NCK2: variants seen among roughly 807,000 people sequenced by gnomAD.
NCK2 encodes cytoplasmic protein NCK2.
A neutral mutation model predicts 33.9 loss-of-function variants in NCK2; 16 were observed. The observed-to-expected ratio is 0.47, with a 90% confidence interval of 0.32 to 0.72. NCK2 has a LOEUF of 0.72. Ranked by LOEUF, NCK2 falls within the 30% of genes least tolerant of loss-of-function variation. NCK2 has a pLI of 0.03. For missense variants in NCK2, 418 were observed against 537.3 expected (o/e 0.78, Z 2.19); for synonymous variants, 273 against 239.9 (o/e 1.14, Z -1.27).
intron 1 of NCK2, among the ~76,000 whole-genome samples, chr2:105,812,842 A>G (rs1675341722): frequency 6.9e-6 from 1 of 145,536 alleles, no homozygotes; most frequent in Admixed American, 6.9e-5. Context: ...CTCCTGTGCT[A>G]ACATCTAAGA....
intron 1 of NCK2, among the ~76,000 whole-genome samples, chr2:105,760,247 C>T (rs968946611): frequency 6.6e-6 from 1 of 152,208 alleles, no homozygotes; most frequent in African/African-American, 2.4e-5. Context: ...CCCCTTGGCA[C>T]TGTTGCGGAG....
chr2:105,780,325 TACACACACAC>T lies in NCK2; in HGVS notation c.-201+35217_-201+35226del, dbSNP rs57857814. ...TTCCATAATATGGGAGAGAGATATA[TACACACACAC>T]ACACACACACACACACACACACACA... is the stretch of plus-strand genomic sequence containing the variant. On this transcript the variant is annotated intron_variant, in intron 1 of 4. Coordinates refer to ENST00000233154, the MANE Select transcript of NCK2 (RefSeq NM_003581.5). Among the ~76,000 whole-genome samples the T allele has an allele frequency of 6.0e-3, 890 of 147,428 alleles. 11 individuals carry two copies. Among genetic ancestry groups the T allele is most frequent in the African/African-American group, 0.019 (765 of 40,382 alleles).
At chr2:105,851,091 T>C (rs1677047100) in intron 2 of NCK2, among the ~76,000 whole-genome samples, 1 of 152,082 alleles carries the variant, frequency 6.6e-6, no homozygotes, top group South Asian at 2.1e-4. Context: ...CACTCTTCCT[T>C]CCCACTTGTT....
intron 1 of NCK2, among the ~76,000 whole-genome samples, chr2:105,765,666 GT>G (rs72433026): frequency 1.3e-5 from 2 of 148,480 alleles, no homozygotes; most frequent in South Asian, 2.1e-4. Flanking sequence ...TGGGTAGTGG[GT>G]TTTTTTTTTA....
rs536126991 is a variant in NCK2, at chr2:105,894,065, A to T, written c.*889A>T. 3.3e-5 allele frequency: 5 copies of T among 152,568 alleles called. No individual in the cohort carries two copies. The highest frequency in any genetic ancestry group is 1.9e-4 in the East Asian group (1 of 5,186). The allele number at this position is 152,568 out of a possible 1,614,324, so 9.5% of individuals were successfully genotyped here. A position where few individuals can be genotyped will look rare whatever the true frequency, so the allele number is the denominator to read the frequency against. On this transcript the variant is annotated 3_prime_UTR_variant, in exon 5 of 5. Transcript: ENST00000233154. ...TACAGGGAAATTTTTCAGGGTTTAC[A>T]AAAGAGTATGTGATTGGTAGTAAGA...
intron 3 of NCK2, among the ~76,000 whole-genome samples, chr2:105,875,598 A>G (rs1428231609): frequency 2.0e-5 from 3 of 152,120 alleles, no homozygotes; most frequent in African/African-American, 7.2e-5. Flanking sequence ...TGCCCTTATA[A>G]AAGAGACCTC....
intron 1 of NCK2, among the ~76,000 whole-genome samples, chr2:105,777,083 G>A (rs1690329683): frequency 6.6e-6 from 1 of 151,976 alleles, no homozygotes; most frequent in African/African-American, 2.4e-5. Flanking sequence ...AGTTCCCAGA[G>A]CCTGAGAGCA....
At chr2:105,766,930 A>G (rs371130735) in intron 1 of NCK2, among the ~76,000 whole-genome samples, 1 of 152,216 alleles carries the variant, frequency 6.6e-6, no homozygotes, top group Non-Finnish European at 1.5e-5. Flanking sequence ...CTGCCTGTGC[A>G]GTGTTGGTGA....
chr2:105,758,709 G>A (rs915176066), intron 1 of NCK2, among the ~76,000 whole-genome samples: 4 of 151,908 alleles, frequency 2.6e-5, no homozygotes, highest in African/African-American at 4.8e-5. Context: ...AGCCCGTCCC[G>A]TTTTTGTATT....
At chr2:105,748,361 A>T (rs182079719) in intron 1 of NCK2, among the ~76,000 whole-genome samples, 2 of 151,998 alleles carry the variant, frequency 1.3e-5, no homozygotes, top group Non-Finnish European at 1.5e-5. Flanking sequence ...CTGATTTGTC[A>T]TCTGTGACAT....
At chr2:105,778,302 G>T (rs1200153038) in intron 1 of NCK2, among the ~76,000 whole-genome samples, 3 of 152,168 alleles carry the variant, frequency 2.0e-5, no homozygotes, top group African/African-American at 4.8e-5. Context: ...GGAGGCATGT[G>T]TCTCCAGCAG....
chr2:105,768,434 C>T (rs1216996055), intron 1 of NCK2, among the ~76,000 whole-genome samples: 3 of 152,208 alleles, frequency 2.0e-5, no homozygotes, highest in Admixed American at 6.5e-5. Flanking sequence ...TCCCCATTTC[C>T]GTCACCAGTT....
intron 2 of NCK2, among the ~76,000 whole-genome samples, chr2:105,835,664 A>G (rs1427578247): frequency 6.6e-6 from 1 of 151,484 alleles, no homozygotes; most frequent in Non-Finnish European, 1.5e-5. Context: ...CTGGATCTGG[A>G]TTCTTTCTCC....
At chr2:105,831,437 A>C (rs538419351) in intron 2 of NCK2, among the ~76,000 whole-genome samples, 3 of 150,298 alleles carry the variant, frequency 2.0e-5, no homozygotes, top group Middle Eastern at 3.4e-3. Context: ...CTTTTTGATA[A>C]TATCATTCTA....
intron 2 of NCK2, among the ~76,000 whole-genome samples, chr2:105,818,994 G>A (rs1466845047): frequency 6.6e-6 from 1 of 152,192 alleles, no homozygotes; most frequent in East Asian, 1.9e-4. Flanking sequence ...ATAGGATTAA[G>A]TGTCTTAGTG....
chr2:105,809,444 G>GAC (rs1048218541), intron 1 of NCK2, among the ~76,000 whole-genome samples: 1 of 152,218 alleles, frequency 6.6e-6, no homozygotes, highest in African/African-American at 2.4e-5. Context: ...AGCGCTTGCA[G>GAC]ACAGATGCCT....
At chr2:105,790,891 C>T (rs753372876) in intron 1 of NCK2, among the ~76,000 whole-genome samples, 1 of 152,180 alleles carries the variant, frequency 6.6e-6, no homozygotes, top group Non-Finnish European at 1.5e-5. Context: ...GGAGGAGAGT[C>T]CTCATCTGCA....
intron 1 of NCK2, among the ~76,000 whole-genome samples, chr2:105,759,589 C>T (rs1262486420): frequency 6.6e-6 from 1 of 152,084 alleles, no homozygotes; most frequent in Non-Finnish European, 1.5e-5. Flanking sequence ...TCTACTTTCC[C>T]CTGTGATTCA....
intron 2 of NCK2, among the ~76,000 whole-genome samples, chr2:105,843,585 AACGAACGAAC>A (rs1445465523): frequency 6.6e-6 from 1 of 152,180 alleles, no homozygotes; most frequent in Non-Finnish European, 1.5e-5. Context: ...CAAAGAAACA[AACGAACGAAC>A]ACTCGCAGTG....
Sources: allele counts gnomAD v4.1 joint callset (sites outside exome capture counted in the v4.1 genomes callset), GRCh38; gene constraint gnomAD v4.1.1; transcripts MANE v1.5; gene names NCBI Gene and HGNC (gene_info 2026-07-23, HGNC 2026-07-21).